MXD3: variants seen among roughly 807,000 people sequenced by gnomAD.
The protein encoded by MXD3 is Max-associated protein 3.
Under a neutral mutation model 27.5 loss-of-function variants are expected in MXD3, and 20 were observed. The observed-to-expected ratio is 0.73, with a 90% confidence interval of 0.51 to 1.06. The LOEUF (loss-of-function observed/expected upper bound fraction) is 1.06. MXD3 is among the 50% of genes least tolerant of loss of function. The pLI is 0.00. For missense variants in MXD3, 298 were observed against 291.3 expected, an observed-to-expected ratio of 1.02 and a Z score of -0.17; for synonymous variants, 150 against 130.7, an observed-to-expected ratio of 1.15 and a Z score of -1.01.
upstream of MXD3, chr5:177,312,700 TG>T (rs35513187): frequency 2.1e-3 from 2,057 of 985,380 alleles, 26 homozygotes; most frequent in African/African-American, 0.032. Flanking sequence ...AAAACGTCAG[TG>T]GGGTAACAGC....
chr5:177,307,104 G>A, downstream of MXD3: 1 of 1,494,688 alleles, frequency 6.7e-7, no homozygotes, highest in Non-Finnish European at 8.9e-7. Context: ...GCACTGCCTG[G>A]CACGGCCAAC....
downstream of MXD3, chr5:177,306,803 T>C: frequency 1.3e-6 from 1 of 796,552 alleles, no homozygotes; most frequent in Non-Finnish European, 1.9e-6. Context: ...GTGCGGTGAC[T>C]TGCCCGGGGC....
Position 177,310,924 on chromosome 5 carries a change from C to T in MXD3, c.177-227G>A, listed in dbSNP as rs564806785. The T allele has an allele frequency of 5.6e-4, 340 of 605,404 alleles. 3 individuals carry two copies. The highest frequency in any genetic ancestry group is 5.4e-3 in the South Asian group (273 of 50,190). The allele number at this position is 605,404 out of a possible 1,614,324, so 37.5% of individuals were successfully genotyped here. ...AAGCCTGCCCAGGTGGGTATGAGGG[C>T]CCTAACAAGGGCGCCTGCCAGCTGG... On this transcript the variant is annotated intron_variant, in intron 2 of 5. Coordinates refer to ENST00000439742, the MANE Select transcript of MXD3 (RefSeq NM_031300.4).
chr5:177,307,303 C>T lies in MXD3; in HGVS notation c.*285G>A, dbSNP rs542732481. 58 of 1,548,670 alleles carry T rather than the reference C, an allele frequency of 3.7e-5. 3 individuals are homozygous for T. The African/African-American group carries it at 6.8e-4, about 18-fold the overall frequency. On this transcript the variant is annotated 3_prime_UTR_variant, in exon 6 of 6. Coordinates refer to ENST00000439742, the MANE Select transcript of MXD3 (RefSeq NM_031300.4). ...GGAAGGGAAGAGGCCCAAGAGGCTT[C>T]CTGTCCCCTTGGGGGCAGCAGAGCC...
At chr5:177,306,435 C>A, downstream of MXD3, 1 of 1,614,086 alleles carries the variant, frequency 6.2e-7, no homozygotes, top group African/African-American at 1.3e-5. Flanking sequence ...AGGCCCCTTC[C>A]AAAACACTTG....
At chr5:177,309,536 A>C (rs1760983234) in intron 4 of MXD3, among the ~76,000 whole-genome samples, 1 of 152,216 alleles carries the variant, frequency 6.6e-6, no homozygotes, top group Non-Finnish European at 1.5e-5. Context: ...TGGTAATAAC[A>C]GACGCCGGGC....
In MXD3 at chr5:177,307,319, CAGCAG is replaced by C. The variant is rs1760905705; in HGVS notation, c.*264_*268del. The stretch of plus-strand genomic sequence containing the variant: ...AAGAGGCTTCCTGTCCCCTTGGGGG[CAGCAG>C]AGCCAAATGCTTGGGCTCGGGCCCA... On this transcript the variant is annotated 3_prime_UTR_variant, in exon 6 of 6. Coordinates refer to ENST00000439742, the MANE Select transcript of MXD3 (RefSeq NM_031300.4). 5 of 1,545,340 alleles carry C rather than the reference CAGCAG, an allele frequency of 3.2e-6. No homozygotes were observed. The highest frequency in any genetic ancestry group is 3.5e-6 in the Non-Finnish European group (4 of 1,142,670).
chr5:177,307,665 C>G lies in MXD3; in HGVS notation c.544G>C (p.Gly182Arg), dbSNP rs1401886113. The change falls in exon 6 of 6, where the codon GGT (glycine) becomes CGT (arginine). Residue 182 changes from glycine to arginine, a missense_variant. Gly to Arg is a moderately radical substitution (Grantham distance 125). Transcript: ENST00000439742. ...EVDVESLVFG[G>R]EAELLRGFVA... ...AAGCCCCGCAGCAGCTCGGCCTCAC[C>G]CCCAAACACCAGGCTCTCCACATCC... 2 of 1,613,538 alleles carry G rather than the reference C, an allele frequency of 1.2e-6. No homozygotes were observed. Among genetic ancestry groups the G allele is most frequent in the African/African-American group, 2.7e-5 (2 of 74,936 alleles).
chr5:177,306,610 T>G, downstream of MXD3: 2 of 1,591,782 alleles, frequency 1.3e-6, no homozygotes, highest in Non-Finnish European at 1.7e-6. Flanking sequence ...CAGCTAGGCT[T>G]AGCCTCTCTG....
At chr5:177,311,915 G>T (rs1288867629), upstream of MXD3, 2 of 1,487,138 alleles carry the variant, frequency 1.3e-6, no homozygotes, top group South Asian at 2.5e-5. Flanking sequence ...TAACTGACAC[G>T]GTGCAACAAA....
At chr5:177,305,935 G>A (rs758358635), downstream of MXD3, 26 of 1,614,048 alleles carry the variant, frequency 1.6e-5, no homozygotes, top group African/African-American at 5.3e-5. Context: ...GAAATCCGCC[G>A]GGAAGCCTGG....
Position 177,307,529 on chromosome 5 carries a change from T to TGCCTGGCAAGTGG in MXD3, c.*46_*58dup. On this transcript the variant is annotated 3_prime_UTR_variant, in exon 6 of 6. Transcript: ENST00000439742. ...GCCCTGAAGGCTTGGGGAGGGCTCC[T>TGCCTGGCAAGTGG]GCCTGGCAAGTGGGCCTGGCACGAG... The TGCCTGGCAAGTGG allele has an allele frequency of 1.9e-6, 3 of 1,587,388 alleles. No individual in the cohort carries two copies. The highest frequency in any genetic ancestry group is 2.6e-6 in the Non-Finnish European group (3 of 1,169,024).
At chr5:177,310,630 CT>C in intron 3 of MXD3, 37 bp downstream of exon 3, 1 of 1,614,146 alleles carries the variant, frequency 6.2e-7, no homozygotes, top group Non-Finnish European at 8.5e-7. Flanking sequence ...GCAGTGGCCC[CT>C]GGGGGCTGGC....
downstream of MXD3, chr5:177,306,676 C>G (rs4635949): frequency 2.0e-6 from 3 of 1,466,298 alleles, no homozygotes; most frequent in Non-Finnish European, 2.8e-6. Flanking sequence ...TGTCTGCTGT[C>G]TACGTGGTGG....
upstream of MXD3, chr5:177,312,728 T>C (rs1761066366): frequency 2.0e-6 from 2 of 985,526 alleles, no homozygotes; most frequent in African/African-American, 1.7e-5. Context: ...AGGCAGGCCA[T>C]ACCCTGGAGG....
At chr5:177,306,949 A>G, downstream of MXD3, 1 of 978,438 alleles carries the variant, frequency 1.0e-6, no homozygotes, top group Non-Finnish European at 1.5e-6. Flanking sequence ...TGTTGAATTC[A>G]GTTGGCCCCA....
downstream of MXD3, chr5:177,306,945 A>G: frequency 1.0e-6 from 1 of 963,184 alleles, no homozygotes; most frequent in Admixed American, 3.0e-5. Flanking sequence ...TACTTGTTGA[A>G]TTCAGTTGGC....
At position 177,307,955 on chromosome 5, in the gene MXD3, C is replaced by A. The variant is rs1427601093; in HGVS notation, c.331G>T (p.Asp111Tyr). Residue 111 changes from aspartate (D) to tyrosine (Y), a missense_variant, in exon 5 of 6, where the codon GAT becomes TAT. Transcript: ENST00000439742. ...AGCTGTCGGGCCCGCTGCTCCTGAT[C>A]CTCCAGCTTCTGCGGATCCCAAAGG... ...RARMHIQKLE[D>Y]QEQRARQLKE... 4 of 1,557,418 alleles carry A rather than the reference C, an allele frequency of 2.6e-6. No individual in the cohort carries two copies. The East Asian group carries it at 9.2e-5, about 36-fold the overall frequency.
chr5:177,310,438 C>T lies in MXD3; in HGVS notation c.309G>A (p.Arg103=). 6.2e-7 allele frequency: 1 copy of T among 1,611,660 alleles called. No homozygotes were observed. Among genetic ancestry groups the T allele is most frequent in the Non-Finnish European group, 8.5e-7 (1 of 1,179,240 alleles). The change falls in exon 4 of 6, where the codon AGG becomes AGA. Residue 103 remains arginine (R), a synonymous_variant. Coordinates refer to ENST00000439742, the MANE Select transcript of MXD3 (RefSeq NM_031300.4). ...YTTLSLLRRA[R]MHIQKLEDQE... is the part of the protein sequence containing the mutation. ...TGGGGGGCCTCACCTGGATGTGCAT[C>T]CTGGCACGGCGCAGCAGGCTCAGCG...
Sources: allele counts gnomAD v4.1 joint callset (sites outside exome capture counted in the v4.1 genomes callset), GRCh38; gene constraint gnomAD v4.1.1; transcripts MANE v1.5; gene names NCBI Gene and HGNC (gene_info 2026-07-23, HGNC 2026-07-21).